Variants in DNAH2 observed in about 807,000 individuals in gnomAD.
DNAH2 encodes axonemal beta dynein heavy chain 2.
In DNAH2, 323 loss-of-function variants were observed where a neutral mutation model predicts 523.5. That is an observed-to-expected ratio of 0.62 (90% confidence interval 0.56 to 0.68). DNAH2 has a LOEUF of 0.68. Among genes scored for constraint, DNAH2 ranks in the 30% least tolerant of loss-of-function variants. The pLI, the probability that DNAH2 is intolerant of heterozygous loss-of-function variation, is 0.00. For synonymous variants in DNAH2, 2,093 were observed against 2,177.4 expected (o/e 0.96, Z 1.08); for missense variants, 4,907 against 5,701.5 (o/e 0.86, Z 4.49).
intron 11 of DNAH2, among the ~76,000 whole-genome samples, chr17:7,741,236 C>CTT (rs1555540639): frequency 0.013 from 1,123 of 85,398 alleles, 30 homozygotes; most frequent in East Asian, 0.033. Flanking sequence ...TTTTCTCTCT[C>CTT]TCTTTCTTTC....
intron 60 of DNAH2, 47 bp downstream of exon 60, chr17:7,805,121 G>A (rs760590136): frequency 6.9e-6 from 11 of 1,600,188 alleles, no homozygotes; most frequent in Admixed American, 5.0e-5. Flanking sequence ...GCGAGGCCCC[G>A]GGGAAGGGAA....
chr17:7,727,037 C>G (rs2074835080), intron 3 of DNAH2, 85 bp from the exon 4 acceptor site: 3 of 1,421,318 alleles, frequency 2.1e-6, no homozygotes, highest in Admixed American at 5.4e-5. Flanking sequence ...TCTCATCTCC[C>G]ATGTCCTCAC....
At chr17:7,771,606 A>G in intron 28 of DNAH2, 138 bp downstream of exon 28, 1 of 915,780 alleles carries the variant, frequency 1.1e-6, no homozygotes, top group Non-Finnish European at 1.6e-6. Context: ...TCTTCTAAGC[A>G]TTAGATCATA....
rs1346592852 is a variant in DNAH2 at position 7,787,126 on chromosome 17, A to G, written c.6603+93A>G. On this transcript the variant is annotated intron_variant, in intron 42 of 85. Transcript: ENST00000572933. ...GGAGGAGAGCCAGAAATCTCAGAGC[A>G]GGGCAGGTTCTGTGGGAGAGAGCTG... is the stretch of plus-strand genomic sequence containing the variant. 2.0e-6 allele frequency: 3 copies of G among 1,507,176 alleles called. No individual in the cohort carries two copies. The African/African-American group carries it at 4.1e-5, about 21-fold the overall frequency. The allele number at this position is 1,507,176 out of a possible 1,614,324, so 93.4% of individuals were successfully genotyped here. A position where few individuals can be genotyped will look rare whatever the true frequency, so the allele number is the denominator to read the frequency against.
rs748939959 is a variant in DNAH2, at chr17:7,824,776, T to G, written c.11853+49T>G. 9.5e-6 allele frequency: 13 copies of G among 1,374,270 alleles called. 1 individual carries two copies. In the African/African-American group the frequency reaches 1.0e-4, roughly 11 times the overall value. 85.1% of individuals were successfully genotyped at this position (1,374,270 alleles called of 1,614,324 possible). On this transcript the variant is annotated intron_variant, in intron 77 of 85. Transcript: ENST00000572933. ...ATCATCAGGGCCATCTGGTCCACCT[T>G]ACCTCCTGCTAGCACCAGAGAGAGG...
Position 7,804,312 on chromosome 17 carries a change from G to C in DNAH2, c.9029G>C (p.Gly3010Ala). Residue 3010 changes from glycine to alanine, a missense_variant, in exon 59 of 86, where the codon GGC becomes GCC. Gly to Ala is a moderately conservative substitution (Grantham distance 60). This residue lies in a region of DNAH2 where 1,851 missense variants were observed against 2,139.4 expected (regional missense o/e 0.87). Coordinates refer to ENST00000572933, the MANE Select transcript of DNAH2 (RefSeq NM_020877.5). Reference sequence around the variant, plus strand: ...GCCCAAGCCAATAAACTGCGGACAGGCTTGTTCAAGATCGACGAAACTAGG... The same window carrying C: ...GCCCAAGCCAATAAACTGCGGACAGCCTTGTTCAAGATCGACGAAACTAGG... ...LLAQANKLRT[G>A]LFKIDETREK... is the part of the protein sequence containing the mutation. 1 of 1,614,202 alleles carries C rather than the reference G, an allele frequency of 6.2e-7. No homozygotes were observed.
At chr17:7,727,314 A>T in intron 4 of DNAH2, 22 bp downstream of exon 4, 1 of 1,592,698 alleles carries the variant, frequency 6.3e-7, no homozygotes, top group Non-Finnish European at 8.5e-7. Context: ...ACATTCCCAG[A>T]TCAAAGGTGG....
chr17:7,738,094 C>T (rs765067347), intron 8 of DNAH2: 14 of 703,466 alleles, frequency 2.0e-5, no homozygotes, highest in African/African-American at 1.7e-4. Context: ...AAGATCACTA[C>T]GTACAGGCTG....
At chr17:7,750,203 C>T (rs217050) in intron 12 of DNAH2, among the ~76,000 whole-genome samples, 266 of 152,154 alleles carry the variant, frequency 1.7e-3, no homozygotes, top group African/African-American at 5.9e-3. Context: ...TTTTTGCTAG[C>T]GCAGCATTCA....
intron 7 of DNAH2, among the ~76,000 whole-genome samples, 162 bp downstream of exon 7, chr17:7,734,870 G>A (rs2075097023): frequency 6.6e-6 from 1 of 151,630 alleles, no homozygotes; most frequent in South Asian, 2.1e-4. Context: ...TAAAATAGTA[G>A]AATAGAGGGT....
chr17:7,744,793 A>G (rs1348978929), intron 12 of DNAH2, among the ~76,000 whole-genome samples: 1 of 152,154 alleles, frequency 6.6e-6, no homozygotes, highest in Non-Finnish European at 1.5e-5. Flanking sequence ...TTGCAAGCGC[A>G]TAATGGGGTT....
intron 36 of DNAH2, among the ~76,000 whole-genome samples, chr17:7,779,650 T>C (rs1157632924): frequency 6.6e-6 from 1 of 152,230 alleles, no homozygotes; most frequent in African/African-American, 2.4e-5. Flanking sequence ...TGTGTGTATA[T>C]GTAGCCCTCA....
intron 24 of DNAH2, among the ~76,000 whole-genome samples, chr17:7,769,404 C>T (rs551293656): frequency 2.6e-5 from 4 of 152,272 alleles, no homozygotes; most frequent in East Asian, 1.9e-4. Context: ...TCAAGTGATC[C>T]GCTCGCCTTG....
chr17:7,740,070 G>A (rs1312991676), intron 9 of DNAH2, 132 bp downstream of exon 9: 13 of 726,944 alleles, frequency 1.8e-5, no homozygotes, highest in Non-Finnish European at 2.6e-5. Context: ...GTGGCCCGGG[G>A]GGGGGGACAG....
chr17:7,727,866 G>A (rs187276928), intron 4 of DNAH2, among the ~76,000 whole-genome samples: 10 of 152,022 alleles, frequency 6.6e-5, no homozygotes, highest in East Asian at 5.8e-4. Flanking sequence ...TTATAGGAGC[G>A]TTATGGGAGC....
At chr17:7,806,484 T>C (rs547803954) in intron 61 of DNAH2, among the ~76,000 whole-genome samples, 11 of 151,786 alleles carry the variant, frequency 7.2e-5, no homozygotes, top group Admixed American at 5.9e-4. Flanking sequence ...GGTGAAACCC[T>C]GTCTCTACTA....
In DNAH2 at chr17:7,765,636, T is replaced by C. The variant is rs546241941; in HGVS notation, c.3511+71T>C. 1.6e-4 allele frequency: 240 copies of C among 1,537,400 alleles called. 1 individual carries two copies. The African/African-American group carries it at 3.0e-3, about 19-fold the overall frequency. On this transcript the variant is annotated intron_variant, in intron 21 of 85. Coordinates refer to ENST00000572933, the MANE Select transcript of DNAH2 (RefSeq NM_020877.5). ...GACCCCGCCTTCCAAGCCCAGGTCC[T>C]GGGAAGGCGAGAACTGGGAGGGGAG...
chr17:7,798,810 A>C lies in DNAH2; in HGVS notation c.8559+92A>C, dbSNP rs1350015519. 1 of 782,154 alleles carries C rather than the reference A, an allele frequency of 1.3e-6. No homozygotes were observed. The highest frequency in any genetic ancestry group is 1.9e-6 in the Non-Finnish European group (1 of 530,632). The allele number at this position is 782,154 out of a possible 1,614,324, so 48.5% of individuals were successfully genotyped here. On this transcript the variant is annotated intron_variant, in intron 55 of 85. Coordinates refer to ENST00000572933, the MANE Select transcript of DNAH2 (RefSeq NM_020877.5). The surrounding 1 kb of genome is among the most constrained non-coding windows in gnomAD (Gnocchi z 5.5). The stretch of plus-strand genomic sequence containing the variant: ...ACAGCTCCCAGAATGTGCCACTGGC[A>C]CACCCCCACTGCCACACCCCCACTG...
In DNAH2 at chr17:7,831,057, G is replaced by A. The variant is rs771365521; in HGVS notation, c.12231-29G>A. On this transcript the variant is annotated intron_variant, in intron 79 of 85. Transcript: ENST00000572933. This position sits in a 1 kb window ranked among gnomAD's most constrained non-coding sequence, Gnocchi z 4.2. ...GCATTGAGGGCTGAGTCCCCACAATGTGGCAGTAATTATGCTATGACTCCC... is the reference window on the plus strand; with the variant it reads ...GCATTGAGGGCTGAGTCCCCACAATATGGCAGTAATTATGCTATGACTCCC... 9 of 1,602,876 alleles carry A rather than the reference G, an allele frequency of 5.6e-6. No individual in the cohort carries two copies. The highest frequency in any genetic ancestry group is 5.3e-5 in the African/African-American group (4 of 74,780).
Sources: gnomAD v4.1 joint callset for allele counts (sites outside exome capture counted in the v4.1 genomes callset) on GRCh38, gnomAD v4.1.1 for gene constraint, gnomAD v4.1.1 regional missense constraint, Gnocchi (gnomAD v3.1) non-coding constraint, MANE v1.5 for transcripts, NCBI Gene and HGNC (gene_info 2026-07-23, HGNC 2026-07-21) for gene names.